The following RNFT2 variants were observed in gnomAD, a reference collection of about 807,000 sequenced individuals.
RNFT2 encodes ring finger protein, transmembrane 2.
A neutral mutation model predicts 53.0 loss-of-function variants in RNFT2; 36 were observed. The ratio of observed to expected loss-of-function variants is 0.68; its 90% CI spans 0.52 to 0.90. The LOEUF (loss-of-function observed/expected upper bound fraction) is 0.90. Ranked by LOEUF, RNFT2 falls within the 40% of genes least tolerant of loss-of-function variation. The pLI, the probability that RNFT2 is intolerant of heterozygous loss-of-function variation, is 0.00. For synonymous variants in RNFT2, 260 were observed against 253.2 expected (o/e 1.03, Z -0.26); for missense variants, 514 against 585.6 (o/e 0.88, Z 1.26).
intron 10 of RNFT2, among the ~76,000 whole-genome samples, chr12:116,841,948 A>AATAT (rs1337261582): frequency 1.3e-4 from 3 of 22,626 alleles, no homozygotes; most frequent in African/African-American, 1.1e-3. Context: ...TATATATATA[A>AATAT]ATATATATAT....
At chr12:116,744,413 G>A (rs912086469) in intron 3 of RNFT2, among the ~76,000 whole-genome samples, 3 of 152,112 alleles carry the variant, frequency 2.0e-5, no homozygotes, top group Admixed American at 6.5e-5. Flanking sequence ...AACTCAAACC[G>A]TGTATTGAGT....
chr12:116,740,402 G>A lies in RNFT2; in HGVS notation c.-96G>A. On this transcript the variant is annotated 5_prime_UTR_variant, in exon 2 of 11. Transcript: ENST00000257575. ...GCATCCCTCTGGAGACGAAGAGGAG[G>A]GGGAGGCCTGTCCTCTCTGGGATCC... The A allele has an allele frequency of 2.4e-6, 3 of 1,241,472 alleles. No homozygotes were observed. Among genetic ancestry groups the A allele is most frequent in the South Asian group, 1.3e-5 (1 of 77,704 alleles). 76.9% of individuals were successfully genotyped at this position (1,241,472 alleles called of 1,614,324 possible).
chr12:116,748,429 T>C (rs187630286), intron 3 of RNFT2, among the ~76,000 whole-genome samples: 1 of 152,296 alleles, frequency 6.6e-6, no homozygotes, highest in Admixed American at 6.5e-5. Flanking sequence ...AGGTCTTCCA[T>C]AGGAACTAGA....
chr12:116,777,281 C>T (rs1414686456), intron 6 of RNFT2, among the ~76,000 whole-genome samples: 2 of 152,114 alleles, frequency 1.3e-5, no homozygotes, highest in African/African-American at 4.8e-5. Flanking sequence ...TGAGTTAAGA[C>T]ATATAAAATA....
intron 7 of RNFT2, among the ~76,000 whole-genome samples, chr12:116,827,830 G>A (rs1876423106): frequency 6.6e-6 from 1 of 152,204 alleles, no homozygotes; most frequent in Non-Finnish European, 1.5e-5. Context: ...TGCAGCTCAG[G>A]GGCCTGAGAA....
chr12:116,757,117 G>T (rs775390302), intron 5 of RNFT2, among the ~76,000 whole-genome samples: 3 of 152,096 alleles, frequency 2.0e-5, no homozygotes, highest in Non-Finnish European at 4.4e-5. Context: ...GTGCATAAAG[G>T]TGTTCATAGT....
intron 7 of RNFT2, among the ~76,000 whole-genome samples, chr12:116,813,186 T>C (rs1424237829): frequency 6.6e-6 from 1 of 151,982 alleles, no homozygotes; most frequent in Non-Finnish European, 1.5e-5. Flanking sequence ...CTTGAACTCT[T>C]GGTCTCAAGC....
At chr12:116,804,847 G>C (rs1874968303) in intron 7 of RNFT2, among the ~76,000 whole-genome samples, 1 of 152,142 alleles carries the variant, frequency 6.6e-6, no homozygotes, top group African/African-American at 2.4e-5. Context: ...CATGCCTGTA[G>C]TTCCAGCTAT....
intron 7 of RNFT2, among the ~76,000 whole-genome samples, chr12:116,820,312 T>A (rs1875943122): frequency 6.6e-6 from 1 of 152,110 alleles, no homozygotes; most frequent in Admixed American, 6.5e-5. Context: ...GAATTCCTGG[T>A]CTCAAGGGGT....
chr12:116,829,274 C>T (rs2137194764), intron 7 of RNFT2, among the ~76,000 whole-genome samples: 1 of 152,248 alleles, frequency 6.6e-6, no homozygotes, highest in Admixed American at 6.5e-5. Context: ...GGTCCAGCAT[C>T]CATCATGCCC....
chr12:116,756,836 G>T (rs1038857128), intron 5 of RNFT2, among the ~76,000 whole-genome samples: 13 of 152,126 alleles, frequency 8.5e-5, no homozygotes, highest in Non-Finnish European at 1.6e-4. Flanking sequence ...GGTGATGCTG[G>T]CTTCATAGAA....
At chr12:116,793,887 G>C (rs1048256036) in intron 7 of RNFT2, among the ~76,000 whole-genome samples, 1 of 152,122 alleles carries the variant, frequency 6.6e-6, no homozygotes, top group African/African-American at 2.4e-5. Flanking sequence ...TTTATTTTCT[G>C]TCCTTCCCCA....
intron 10 of RNFT2, among the ~76,000 whole-genome samples, chr12:116,844,867 A>G (rs1392162992): frequency 6.6e-6 from 1 of 152,136 alleles, no homozygotes; most frequent in African/African-American, 2.4e-5. Context: ...GTTAAGTCCC[A>G]TTTGGTTGGT....
chr12:116,836,358 G>C (rs115202548), intron 10 of RNFT2, 76 bp downstream of exon 10: 1 of 1,259,512 alleles, frequency 7.9e-7, no homozygotes, highest in African/African-American at 1.5e-5. Context: ...GGCAGTCCTC[G>C]GGTCTCTGGC....
At chr12:116,847,396 T>C (rs1877672579) in intron 10 of RNFT2, among the ~76,000 whole-genome samples, 1 of 152,126 alleles carries the variant, frequency 6.6e-6, no homozygotes, top group Non-Finnish European at 1.5e-5. Flanking sequence ...AATCTTCCAA[T>C]GAGGGGGTTC....
intron 10 of RNFT2, among the ~76,000 whole-genome samples, chr12:116,846,125 G>A (rs1317901105): frequency 6.6e-6 from 1 of 151,982 alleles, no homozygotes; most frequent in Non-Finnish European, 1.5e-5. Context: ...AGGAATGAAG[G>A]GGTTTACAAG....
chr12:116,756,354 T>C (rs549761560), intron 5 of RNFT2, among the ~76,000 whole-genome samples: 1 of 152,222 alleles, frequency 6.6e-6, no homozygotes, highest in East Asian at 1.9e-4. Flanking sequence ...GTAAAAGGGG[T>C]TGAGTTCTTG....
chr12:116,780,638 G>C (rs933344107), intron 7 of RNFT2, among the ~76,000 whole-genome samples: 1 of 150,906 alleles, frequency 6.6e-6, no homozygotes, highest in African/African-American at 2.4e-5. Context: ...GTACCCAAAG[G>C]CAGTGCCAGG....
At chr12:116,741,384 A>G (rs1049903409) in intron 3 of RNFT2, among the ~76,000 whole-genome samples, 2 of 152,212 alleles carry the variant, frequency 1.3e-5, no homozygotes, top group East Asian at 1.9e-4. Flanking sequence ...CAAAAATATC[A>G]TAGAATGGGT....
Sources: allele counts gnomAD v4.1 joint callset (sites outside exome capture counted in the v4.1 genomes callset), GRCh38; gene constraint gnomAD v4.1.1; transcripts MANE v1.5; gene names NCBI Gene and HGNC (gene_info 2026-07-23, HGNC 2026-07-21).